INTS10: variants seen among roughly 807,000 people sequenced by gnomAD.
The protein encoded by INTS10 is integrator complex subunit 10, also known as chromosome 8 open reading frame 35.
A neutral mutation model predicts 94.4 loss-of-function variants in INTS10; 44 were observed. The observed-to-expected ratio is 0.47, with a 90% CI of 0.37 to 0.60. The LOEUF (loss-of-function observed/expected upper bound fraction) is 0.60. Ranked by LOEUF, INTS10 falls within the 20% of genes least tolerant of loss-of-function variation. The probability of loss-of-function intolerance (pLI) is 0.00; values close to 1 mark genes in which losing one functional copy is unlikely to be tolerated. For missense variants in INTS10, 797 were observed against 868.7 expected, an observed-to-expected ratio of 0.92 and a Z score of 1.04; for synonymous variants, 341 against 320.7, an observed-to-expected ratio of 1.06 and a Z score of -0.68.
intron 11 of INTS10, 92 bp from the exon 12 acceptor site, chr8:19,833,077 C>T (rs569362013): frequency 9.0e-7 from 1 of 1,113,282 alleles, no homozygotes; most frequent in Non-Finnish European, 1.2e-6. Flanking sequence ...TAGTTGCTTG[C>T]TCGTTGCTTC....
intron 1 of INTS10, among the ~76,000 whole-genome samples, chr8:19,818,004 C>T (rs17091547): frequency 0.031 from 4,738 of 152,266 alleles, 212 homozygotes; most frequent in African/African-American, 0.098. Context: ...CCATTCGCTC[C>T]TTCATTCATC....
At chr8:19,836,157 AAAAT>A (rs1457741093) in intron 12 of INTS10, among the ~76,000 whole-genome samples, 3 of 152,156 alleles carry the variant, frequency 2.0e-5, no homozygotes, top group Non-Finnish European at 4.4e-5. Context: ...TTAAAGTACA[AAAAT>A]AAATAAATAA....
intron 9 of INTS10, among the ~76,000 whole-genome samples, chr8:19,827,208 G>A (rs1458398734): frequency 2.6e-5 from 4 of 152,076 alleles, no homozygotes; most frequent in African/African-American, 7.2e-5. Flanking sequence ...CCCCGAGCCC[G>A]TCCCTGCCTC....
intron 11 of INTS10, among the ~76,000 whole-genome samples, chr8:19,832,823 T>C (rs907597383): frequency 6.6e-6 from 1 of 152,196 alleles, no homozygotes; most frequent in African/African-American, 2.4e-5. Context: ...GCTTCCATCC[T>C]TCATAAAGGA....
intron 13 of INTS10, among the ~76,000 whole-genome samples, chr8:19,841,152 C>T (rs1397910446): frequency 2.0e-5 from 3 of 152,016 alleles, no homozygotes; most frequent in African/African-American, 7.2e-5. Flanking sequence ...ATAAGTGGTA[C>T]TAGAACAATT....
chr8:19,822,297 G>A, intron 4 of INTS10, 142 bp from the exon 5 acceptor site: 1 of 542,818 alleles, frequency 1.8e-6, no homozygotes, highest in East Asian at 3.0e-5. Context: ...TTATTTTCCA[G>A]TCTTTAAAAT....
chr8:19,841,083 A>G (rs1167839969), intron 13 of INTS10, among the ~76,000 whole-genome samples: 2 of 152,214 alleles, frequency 1.3e-5, no homozygotes, highest in Non-Finnish European at 1.5e-5. Flanking sequence ...GTGGAACAGC[A>G]TAGAAAACTG....
rs142130772 is a variant in INTS10, at chr8:19,849,550, C to T, written c.1977-2099C>T. 5.3e-5 allele frequency among the ~76,000 whole-genome samples: 8 copies of T among 152,226 alleles called. No individual in the cohort carries two copies. The highest frequency in any genetic ancestry group is 7.4e-5 in the Non-Finnish European group (5 of 68,024). On this transcript the variant is annotated intron_variant, in intron 16 of 16. Transcript: ENST00000397977. This position sits in a 1 kb window ranked among gnomAD's most constrained non-coding sequence, Gnocchi z 4.6. Reference sequence around the variant, plus strand: ...GCACCATGATTCTCTTTTGATAAAACGTTAAGGCTTTCGGTCATATATATT... The same window carrying T: ...GCACCATGATTCTCTTTTGATAAAATGTTAAGGCTTTCGGTCATATATATT...
At position 19,842,437 on chromosome 8, in the gene INTS10, G is replaced by A. The variant is rs191556480; in HGVS notation, c.1640-411G>A. On this transcript the variant is annotated intron_variant, in intron 13 of 16. Transcript: ENST00000397977. ...CCTTCAGAATTATGGCGACCTCTGC[G>A]ATGGAAGAGAATGGGATCAGAGAAG... Among the ~76,000 whole-genome samples the A allele has an allele frequency of 2.4e-3, 362 of 152,290 alleles. 6 individuals carry two copies. The highest frequency in any genetic ancestry group is 8.3e-3 in the African/African-American group (346 of 41,568).
rs772733977 is a variant in INTS10 at position 19,842,965 on chromosome 8, T to C, written c.1719+38T>C. The C allele has an allele frequency of 9.1e-6, 12 of 1,321,012 alleles. No homozygotes were observed. In the African/African-American group the frequency reaches 1.6e-4, roughly 18 times the overall value. The allele number at this position is 1,321,012 out of a possible 1,614,324, so 81.8% of individuals were successfully genotyped here. A position where few individuals can be genotyped will look rare whatever the true frequency, so the allele number is the denominator to read the frequency against. ...TTGATTAGCTTGAAAAAAAATGTAA[T>C]TTCAAATATTATTCTCATGACTCGA... On this transcript the variant is annotated intron_variant, in intron 14 of 16. Coordinates refer to ENST00000397977, the MANE Select transcript of INTS10 (RefSeq NM_018142.4).
intron 8 of INTS10, 136 bp from the exon 9 acceptor site, chr8:19,826,290 C>G: frequency 1.3e-6 from 1 of 760,426 alleles, no homozygotes; most frequent in Non-Finnish European, 2.1e-6. Context: ...CCATGTTGCC[C>G]AGGCTGGTTT....
intron 13 of INTS10, chr8:19,842,019 T>G (rs1207026854): frequency 4.1e-6 from 1 of 245,856 alleles, no homozygotes; most frequent in Non-Finnish European, 8.2e-6. Flanking sequence ...TGCCTCTGAG[T>G]AGAGAAAGAT....
At chr8:19,837,704 A>C (rs1436984659) in intron 13 of INTS10, among the ~76,000 whole-genome samples, 4 of 152,258 alleles carry the variant, frequency 2.6e-5, no homozygotes, top group African/African-American at 9.6e-5. Context: ...AGTTTGTTAG[A>C]AAAAGATACA....
intron 8 of INTS10, among the ~76,000 whole-genome samples, chr8:19,825,393 G>C (rs751473084): frequency 6.6e-6 from 1 of 152,060 alleles, no homozygotes; most frequent in African/African-American, 2.4e-5. Context: ...GGGCATGATT[G>C]TAGGCACCTG....
intron 4 of INTS10, chr8:19,821,760 G>C (rs920857502): frequency 6.6e-6 from 1 of 152,072 alleles, no homozygotes; most frequent in Non-Finnish European, 1.5e-5. Flanking sequence ...ATATGAATTT[G>C]GGGGGGCACT....
chr8:19,830,584 CTGTT>C, intron 10 of INTS10, 25 bp downstream of exon 10: 1 of 1,594,166 alleles, frequency 6.3e-7, no homozygotes, highest in South Asian at 1.1e-5. Context: ...GTCATTGGTG[CTGTT>C]TGATGTTTTA....
chr8:19,836,265 A>C (rs1483176763), intron 12 of INTS10, among the ~76,000 whole-genome samples: 3 of 151,664 alleles, frequency 2.0e-5, no homozygotes, highest in South Asian at 4.1e-4. Flanking sequence ...GAAAATAGAG[A>C]ACAAAAGGGT....
At chr8:19,827,926 A>G (rs1346906120) in intron 9 of INTS10, among the ~76,000 whole-genome samples, 6 of 151,978 alleles carry the variant, frequency 3.9e-5, no homozygotes, top group African/African-American at 1.5e-4. Context: ...AAAATTAGAA[A>G]CCAGGCTGGG....
chr8:19,848,155 A>G (rs1005726146), intron 16 of INTS10, among the ~76,000 whole-genome samples: 1 of 152,238 alleles, frequency 6.6e-6, no homozygotes, highest in Admixed American at 6.5e-5. Context: ...TTATTAAACA[A>G]TCTGAATTCC....
Sources: allele counts gnomAD v4.1 joint callset (sites outside exome capture counted in the v4.1 genomes callset), GRCh38; gene constraint gnomAD v4.1.1; non-coding constraint Gnocchi (gnomAD v3.1); transcripts MANE v1.5; gene names NCBI Gene and HGNC (gene_info 2026-07-23, HGNC 2026-07-21).